Variants in PHACTR2 observed in about 807,000 individuals in gnomAD.
PHACTR2 encodes chromosome 6 open reading frame 56.
PHACTR2 carries 30 observed loss-of-function variants against 76.0 expected under a neutral mutation model. That is an observed-to-expected ratio of 0.39 (90% CI 0.30 to 0.54). PHACTR2 has a LOEUF of 0.54. Among genes scored for constraint, PHACTR2 ranks in the 20% least tolerant of loss-of-function variants. The pLI is 0.61. For missense variants in PHACTR2, 696 were observed against 781.1 expected (o/e 0.89, Z 1.30); for synonymous variants, 292 against 292.5 (o/e 1.00, Z 0.02).
In PHACTR2 at chr6:143,635,200, A is replaced by G. The variant is rs138017140; in HGVS notation, c.13+26878A>G. Among the ~76,000 whole-genome samples the G allele has an allele frequency of 2.2e-4, 34 of 152,306 alleles. No homozygotes were observed. The East Asian group carries it at 5.8e-3, about 26-fold the overall frequency. On this transcript the variant is annotated intron_variant, in intron 1 of 11. Coordinates refer to the PHACTR2 transcript ENST00000305766. Reference sequence around the variant, plus strand: ...GTTACATCACAATAATTTTTCACTTAACAGTATCCATTGGATATCTATCCA... The same window carrying G: ...GTTACATCACAATAATTTTTCACTTGACAGTATCCATTGGATATCTATCCA...
rs1217344155 is a variant in PHACTR2, at chr6:143,659,627, T to A, written c.13+51305T>A. Among the ~76,000 whole-genome samples, 2 of 152,114 alleles carry A rather than the reference T, an allele frequency of 1.3e-5. No homozygotes were observed. Among genetic ancestry groups the A allele is most frequent in the Admixed American group, 1.3e-4 (2 of 15,286 alleles). On this transcript the variant is annotated intron_variant, in intron 1 of 11. Coordinates refer to the PHACTR2 transcript ENST00000305766. This position sits in a 1 kb window ranked among gnomAD's most constrained non-coding sequence, Gnocchi z 5.0. ...TTTAAAGCCAGGTGAAGAGCCAGTG[T>A]CCCCTAGCAAGACAGACGTGCCCTC...
chr6:143,752,327 C>T (rs1779200741), intron 3 of PHACTR2, among the ~76,000 whole-genome samples: 1 of 151,932 alleles, frequency 6.6e-6, no homozygotes, highest in South Asian at 2.1e-4. Flanking sequence ...TTGGAATTTT[C>T]CATTCTTCAT....
chr6:143,742,019 TG>T lies in PHACTR2; in HGVS notation c.215-6965del. On this transcript the variant is annotated intron_variant, in intron 2 of 12. Transcript: ENST00000440869. The surrounding 1 kb of genome is among the most constrained non-coding windows in gnomAD (Gnocchi z 4.5). ...ACTTGGGAGGCTGAGGCAGGAGAAT[TG>T]CCTGAACGCGGGAGGTGGAGGTTGC... Among the ~76,000 whole-genome samples the T allele has an allele frequency of 6.6e-6, 1 of 151,982 alleles. No homozygotes were observed. The highest frequency in any genetic ancestry group is 1.9e-4 in the East Asian group (1 of 5,154).
At chr6:143,572,998 A>T (rs1410913568) in intron 1 of PHACTR2, among the ~76,000 whole-genome samples, 1 of 152,262 alleles carries the variant, frequency 6.6e-6, no homozygotes, top group Non-Finnish European at 1.5e-5. Context: ...AATGTTTTTT[A>T]CTTTCTAATT....
At position 143,679,177 on chromosome 6, in the gene PHACTR2, T is replaced by C. The variant is rs1394947775; in HGVS notation, c.46+968T>C. Among the ~76,000 whole-genome samples the C allele has an allele frequency of 1.3e-5, 2 of 152,198 alleles. No individual in the cohort carries two copies. The highest frequency in any genetic ancestry group is 1.3e-4 in the Admixed American group (2 of 15,290). On this transcript the variant is annotated intron_variant, in intron 1 of 12. Coordinates refer to ENST00000440869, the MANE Select transcript of PHACTR2 (RefSeq NM_001100164.2). The surrounding 1 kb of genome is among the most constrained non-coding windows in gnomAD (Gnocchi z 4.6). ...GAAGGTTTTTTAATCTGCCTCAGGATGTCTAGCTAGATAGCATTCTGTCAT... is the reference window on the plus strand; with the variant it reads ...GAAGGTTTTTTAATCTGCCTCAGGACGTCTAGCTAGATAGCATTCTGTCAT...
At position 143,788,204 on chromosome 6, in the gene PHACTR2, G is replaced by T. The variant is rs369972377; in HGVS notation, c.1708-569G>T. ...CTCCCCTCCCCATTCGTGTACATCG[G>T]TTTTTCTGGCCAAGGGCATGTGTCT... On this transcript the variant is annotated intron_variant, in intron 10 of 12. Coordinates refer to ENST00000440869, the MANE Select transcript of PHACTR2 (RefSeq NM_001100164.2). Among the ~76,000 whole-genome samples, 46 of 152,280 alleles carry T rather than the reference G, an allele frequency of 3.0e-4. 1 individual carries two copies. The East Asian group carries it at 7.7e-3, about 26-fold the overall frequency.
intron 1 of PHACTR2, among the ~76,000 whole-genome samples, chr6:143,699,182 C>T (rs1341865920): frequency 1.3e-5 from 2 of 152,090 alleles, no homozygotes; most frequent in Non-Finnish European, 1.5e-5. Flanking sequence ...CCCTCTCCAC[C>T]CCAAATCTCG....
In PHACTR2 at chr6:143,772,973, G is replaced by A. The variant is rs1375077941; in HGVS notation, c.1432+516G>A. Among the ~76,000 whole-genome samples the A allele has an allele frequency of 3.3e-5, 5 of 152,274 alleles. No homozygotes were observed. Among genetic ancestry groups the A allele is most frequent in the Non-Finnish European group, 7.4e-5 (5 of 68,022 alleles). ...CACGGTGGCTCATGTCTAATTTTGGGAGGCTAACGTGGGTGAATCCCTTGA... is the reference window on the plus strand; with the variant it reads ...CACGGTGGCTCATGTCTAATTTTGGAAGGCTAACGTGGGTGAATCCCTTGA... On this transcript the variant is annotated intron_variant, in intron 7 of 12. Coordinates refer to ENST00000440869, the MANE Select transcript of PHACTR2 (RefSeq NM_001100164.2). The surrounding 1 kb of genome is among the most constrained non-coding windows in gnomAD (Gnocchi z 5.4).
At position 143,765,344 on chromosome 6, in the gene PHACTR2, G is replaced by A. The variant is rs533895829; in HGVS notation, c.778G>A (p.Ala260Thr). Reference protein sequence around the residue: ...STSSTSSRPKASKETVSSKAG... With the variant: ...STSSTSSRPKTSKETVSSKAG... ...TTCATCCACCTCATCTCGTCCCAAA[G>A]CTTCAAAGGAGACAGTTTCTAGCAA... Residue 260 changes from alanine to threonine, a missense_variant, in exon 6 of 13, where the codon GCT becomes ACT. Physicochemically the swap from Ala to Thr is moderately conservative, Grantham distance 58. Transcript: ENST00000440869. This position sits in a 1 kb window ranked among gnomAD's most constrained non-coding sequence, Gnocchi z 4.1. 4 of 1,614,144 alleles carry A rather than the reference G, an allele frequency of 2.5e-6. No homozygotes were observed. The East Asian group carries it at 8.9e-5, about 36-fold the overall frequency.
rs1779240732 is a variant in PHACTR2 at position 143,753,832 on chromosome 6, A to T, written c.374A>T (p.Asn125Ile). 6.2e-7 allele frequency: 1 copy of T among 1,613,308 alleles called. No individual in the cohort carries two copies. The highest frequency in any genetic ancestry group is 8.5e-7 in the Non-Finnish European group (1 of 1,179,358). ...GGAGAGGAATCTACCCGAGAGGAAA[A>T]TGTAGTAAAGTCTGAAGAAGGTAAT... is the stretch of plus-strand genomic sequence containing the variant. ...PIGEESTREE[N>I]VVKSEEGNGS... is the part of the protein sequence containing the mutation. Residue 125 changes from asparagine to isoleucine, a missense_variant, in exon 4 of 13, where the codon AAT (asparagine) becomes ATT (isoleucine). This residue lies in a region of PHACTR2 where 460 missense variants were observed against 450.9 expected (regional missense o/e 1.02). Coordinates refer to ENST00000440869, the MANE Select transcript of PHACTR2 (RefSeq NM_001100164.2). The surrounding 1 kb of genome is among the most constrained non-coding windows in gnomAD (Gnocchi z 4.6).
rs965237612 is a variant in PHACTR2, at chr6:143,825,072, T to C, written c.*1383T>C. 1 of 152,650 alleles carries C rather than the reference T, an allele frequency of 6.6e-6. No individual in the cohort carries two copies. The highest frequency in any genetic ancestry group is 2.4e-5 in the African/African-American group (1 of 41,476). 9.5% of individuals were successfully genotyped at this position (152,650 alleles called of 1,614,324 possible). A position where few individuals can be genotyped will look rare whatever the true frequency, so the allele number is the denominator to read the frequency against. ...GCACACTATGACTTCTGCTCCCAAATACATATGACCATATGTAAATACCAC... is the reference window on the plus strand; with the variant it reads ...GCACACTATGACTTCTGCTCCCAAACACATATGACCATATGTAAATACCAC... On this transcript the variant is annotated 3_prime_UTR_variant, in exon 13 of 13. Transcript: ENST00000440869. This position sits in a 1 kb window ranked among gnomAD's most constrained non-coding sequence, Gnocchi z 4.1.
At chr6:143,741,214 T>TA (rs1778934065) in intron 2 of PHACTR2, among the ~76,000 whole-genome samples, 1 of 149,120 alleles carries the variant, frequency 6.7e-6, no homozygotes, top group East Asian at 2.0e-4. Context: ...CCATCTCTAC[T>TA]AAAAATACAA....
chr6:143,551,275 A>G (rs1053335558), intron 1 of PHACTR2, among the ~76,000 whole-genome samples: 1 of 151,706 alleles, frequency 6.6e-6, no homozygotes, highest in Admixed American at 6.6e-5. Flanking sequence ...ATTTTTTTCC[A>G]TTCATACATA....
chr6:143,765,294 C>G lies in PHACTR2; in HGVS notation c.728C>G (p.Ser243Cys). ...GSSHSKKTTG[S>C]KASASPSTSS... ...TCTCATTCAAAAAAAACAACTGGCT[C>G]TAAAGCATCAGCTTCGCCATCCACT... The change falls in exon 6 of 13, where the codon TCT (serine) becomes TGT (cysteine). Residue 243 changes from serine (S) to cysteine (C), a missense_variant. Coordinates refer to ENST00000440869, the MANE Select transcript of PHACTR2 (RefSeq NM_001100164.2). The surrounding 1 kb of genome is among the most constrained non-coding windows in gnomAD (Gnocchi z 4.1). 1 of 1,614,132 alleles carries G rather than the reference C, an allele frequency of 6.2e-7. No homozygotes were observed. Among genetic ancestry groups the G allele is most frequent in the East Asian group, 2.2e-5 (1 of 44,878 alleles).
Position 143,700,432 on chromosome 6 carries a change from G to A in PHACTR2, c.47-11584G>A, listed in dbSNP as rs1777882400. Among the ~76,000 whole-genome samples the A allele has an allele frequency of 6.6e-6, 1 of 152,086 alleles. No homozygotes were observed. The highest frequency in any genetic ancestry group is 1.5e-5 in the Non-Finnish European group (1 of 68,018). ...TAGCAAGGCATGGTGGCATGCACCT[G>A]TAATCCCAGCTACTCGGGAGGCTGA... On this transcript the variant is annotated intron_variant, in intron 1 of 12. Coordinates refer to ENST00000440869, the MANE Select transcript of PHACTR2 (RefSeq NM_001100164.2). This position sits in a 1 kb window ranked among gnomAD's most constrained non-coding sequence, Gnocchi z 4.1.
rs374787285 is a variant in PHACTR2, at chr6:143,616,988, A to G, written c.13+8666A>G. ...GATGAGAGGTAGGGGCCTCAGACCA[A>G]TCAGGGAGGGCCTTGAGGCTTGGCC... On this transcript the variant is annotated intron_variant, in intron 1 of 11. Transcript: ENST00000305766. This position sits in a 1 kb window ranked among gnomAD's most constrained non-coding sequence, Gnocchi z 4.9. Among the ~76,000 whole-genome samples, 10 of 152,310 alleles carry G rather than the reference A, an allele frequency of 6.6e-5. No individual in the cohort carries two copies. The highest frequency in any genetic ancestry group is 1.9e-4 in the African/African-American group (8 of 41,576).
chr6:143,744,429 A>T (rs978223610), intron 2 of PHACTR2, among the ~76,000 whole-genome samples: 6 of 152,224 alleles, frequency 3.9e-5, no homozygotes, highest in Middle Eastern at 3.2e-3. Flanking sequence ...TTGGTTCTCA[A>T]TGAGATTATA....
chr6:143,756,698 CAA>C (rs10538549), intron 4 of PHACTR2, among the ~76,000 whole-genome samples: 43,451 of 122,580 alleles, frequency 0.35, 7,549 homozygotes, highest in African/African-American at 0.53. Context: ...GACTCCGTCT[CAA>C]AAAAAAAAAA....
chr6:143,641,805 CA>C lies in PHACTR2; in HGVS notation c.13+33486del. Reference sequence around the variant, plus strand: ...ACAGGTATGAGCCACCGCACCCAGCCAAATTTCTGTTGTTTTAAGTCACCAA... The same window carrying C: ...ACAGGTATGAGCCACCGCACCCAGCCAATTTCTGTTGTTTTAAGTCACCAA... On this transcript the variant is annotated intron_variant, in intron 1 of 11. Transcript: ENST00000305766. The surrounding 1 kb of genome is among the most constrained non-coding windows in gnomAD (Gnocchi z 5.8). 6.6e-6 allele frequency among the ~76,000 whole-genome samples: 1 copy of C among 152,118 alleles called. No individual in the cohort carries two copies. The highest frequency in any genetic ancestry group is 1.5e-5 in the Non-Finnish European group (1 of 68,032).
Sources: allele counts gnomAD v4.1 joint callset (sites outside exome capture counted in the v4.1 genomes callset), GRCh38; gene constraint gnomAD v4.1.1; regional missense constraint gnomAD v4.1.1; non-coding constraint Gnocchi (gnomAD v3.1); transcripts MANE v1.5; gene names NCBI Gene and HGNC (gene_info 2026-07-23, HGNC 2026-07-21).